Variants in ZFP2 observed in about 807,000 individuals in gnomAD.
ZFP2 encodes zinc finger protein ZFP2.
ZFP2 carries 33 observed loss-of-function variants against 36.1 expected under a neutral mutation model. That is an observed-to-expected ratio of 0.92 (90% CI 0.69 to 1.22). The LOEUF is 1.22. Ranked by LOEUF, ZFP2 falls within the 50% of genes most tolerant of loss-of-function variation. The pLI, the probability that ZFP2 is intolerant of heterozygous loss-of-function variation, is 0.00. For missense variants in ZFP2, 522 were observed against 551.4 expected (o/e 0.95, Z 0.53); for synonymous variants, 170 against 178.0 (o/e 0.96, Z 0.36).
chr5:178,931,407 G>C lies in ZFP2; in HGVS notation c.94G>C (p.Val32Leu). The C allele has an allele frequency of 6.2e-7, 1 of 1,614,138 alleles. No individual in the cohort carries two copies. The highest frequency in any genetic ancestry group is 8.5e-7 in the Non-Finnish European group (1 of 1,180,016). The part of the protein sequence containing the change: ...EGQQDSHLSQ[V>L]GVTHKETFTE... ...ACAACAGGATAGTCATCTGAGCCAA[G>C]TGGGAGTTACCCATAAGGAAACCTT... Residue 32 changes from valine (V) to leucine (L), a missense_variant, in exon 5 of 5, where the codon GTG becomes CTG. Val to Leu is a conservative substitution (Grantham distance 32). Coordinates refer to ENST00000361362, the MANE Select transcript of ZFP2 (RefSeq NM_030613.4).
intron 3 of ZFP2, chr5:178,913,844 ATTTCTTTTTT>A (rs1196311925): frequency 7.0e-6 from 1 of 142,650 alleles, no homozygotes. Context: ...AGTACCAATC[ATTTCTTTTTT>A]TTTCTTTTTT....
chr5:178,920,494 G>T (rs1043475665), intron 4 of ZFP2, among the ~76,000 whole-genome samples: 1 of 152,006 alleles, frequency 6.6e-6, no homozygotes, highest in Non-Finnish European at 1.5e-5. Flanking sequence ...AAAATTAGCC[G>T]GGCATGGTGG....
intron 3 of ZFP2, 72 bp downstream of exon 3, chr5:178,913,143 T>G: frequency 1.1e-6 from 1 of 881,236 alleles, no homozygotes; most frequent in Non-Finnish European, 1.4e-6. Flanking sequence ...GATTGTTGGG[T>G]CTCTGGAGAG....
chr5:178,896,801 C>G lies in ZFP2; in HGVS notation c.-450+827C>G, dbSNP rs11957167. 2.5e-3 allele frequency among the ~76,000 whole-genome samples: 376 copies of G among 152,276 alleles called. 1 individual carries two copies. The highest frequency in any genetic ancestry group is 8.7e-3 in the African/African-American group (361 of 41,560). On this transcript the variant is annotated intron_variant, in intron 1 of 4. Coordinates refer to ENST00000361362, the MANE Select transcript of ZFP2 (RefSeq NM_030613.4). ...CTCCATCTATCTTTTAAAACTGAGT[C>G]ATGAGATGCATTTGGTAAGGGGTTT... is the stretch of plus-strand genomic sequence containing the variant.
At position 178,912,598 on chromosome 5, in the gene ZFP2, G is replaced by A; in HGVS notation, c.-435G>A. On this transcript the variant is annotated 5_prime_UTR_variant, in exon 2 of 5. Coordinates refer to ENST00000361362, the MANE Select transcript of ZFP2 (RefSeq NM_030613.4). The stretch of plus-strand genomic sequence containing the variant: ...GGAATTTTTAGTTTCAGGAGTCAGT[G>A]ACCTTCAAGGATGTGTCCATAGATT... 2 of 1,003,770 alleles carry A rather than the reference G, an allele frequency of 2.0e-6. No homozygotes were observed. The highest frequency in any genetic ancestry group is 1.8e-4 in the East Asian group (2 of 11,254). 62.2% of individuals were successfully genotyped at this position (1,003,770 alleles called of 1,614,324 possible). A position where few individuals can be genotyped will look rare whatever the true frequency, so the allele number is the denominator to read the frequency against.
At position 178,931,518 on chromosome 5, in the gene ZFP2, A is replaced by G. The variant is rs762857406; in HGVS notation, c.205A>G (p.Met69Val). 4.3e-6 allele frequency: 7 copies of G among 1,614,188 alleles called. No individual in the cohort carries two copies. In the Admixed American group the frequency reaches 5.0e-5, roughly 12 times the overall value. ...CCTTGATACACAGCAAAGCATTCCT[A>G]TGGTAAAAAGGCCCCATAACTGTAA... ...SILDTQQSIP[M>V]VKRPHNCNSH... The change falls in exon 5 of 5, where the codon ATG becomes GTG. Residue 69 changes from methionine to valine, a missense_variant. Transcript: ENST00000361362.
intron 3 of ZFP2, among the ~76,000 whole-genome samples, chr5:178,915,247 T>TA (rs1445339588): frequency 6.6e-6 from 1 of 152,014 alleles, no homozygotes; most frequent in Non-Finnish European, 1.5e-5. Flanking sequence ...TATATTTTGA[T>TA]ACTGTGTTTT....
intron 4 of ZFP2, among the ~76,000 whole-genome samples, chr5:178,917,298 G>C (rs146255607): frequency 6.6e-6 from 1 of 152,154 alleles, no homozygotes; most frequent in African/African-American, 2.4e-5. Context: ...ATAGGAGCCT[G>C]CTGTCTGTGT....
At chr5:178,910,042 C>T in intron 1 of ZFP2, 1 of 1,463,654 alleles carries the variant, frequency 6.8e-7, no homozygotes, top group Non-Finnish European at 9.6e-7. Context: ...TGCCCTTCTT[C>T]AGAGTCCAGG....
At chr5:178,925,414 T>A (rs116171246) in intron 4 of ZFP2, among the ~76,000 whole-genome samples, 1 of 149,236 alleles carries the variant, frequency 6.7e-6, no homozygotes, top group Admixed American at 6.7e-5. Flanking sequence ...ACTAAGTGCA[T>A]GCACCTAGTG....
intron 4 of ZFP2, among the ~76,000 whole-genome samples, chr5:178,927,703 G>T (rs1196506961): frequency 6.9e-6 from 1 of 145,560 alleles, no homozygotes; most frequent in Non-Finnish European, 1.5e-5. Context: ...GTGTGTGTGT[G>T]TGTGTGTGTT....
intron 1 of ZFP2, among the ~76,000 whole-genome samples, chr5:178,899,591 G>A (rs1388092957): frequency 1.3e-5 from 2 of 152,132 alleles, no homozygotes; most frequent in African/African-American, 4.8e-5. Context: ...GTTTGGCAGG[G>A]TGGTGGCCAT....
At chr5:178,902,106 G>C (rs530676668) in intron 1 of ZFP2, among the ~76,000 whole-genome samples, 1 of 152,330 alleles carries the variant, frequency 6.6e-6, no homozygotes, top group South Asian at 2.1e-4. Context: ...CTGCACTCCA[G>C]CCTGGGAGAC....
At chr5:178,922,559 G>A in intron 4 of ZFP2, 1 of 1,477,510 alleles carries the variant, frequency 6.8e-7, no homozygotes, top group Non-Finnish European at 9.5e-7. Context: ...TTTTGTAGGA[G>A]CATGGCTTGG....
At chr5:178,897,619 T>C (rs1272432809) in intron 1 of ZFP2, among the ~76,000 whole-genome samples, 3 of 152,246 alleles carry the variant, frequency 2.0e-5, no homozygotes, top group African/African-American at 4.8e-5. Flanking sequence ...ATATGAAATG[T>C]CACTTATTTC....
chr5:178,922,050 C>T (rs1758571050), intron 4 of ZFP2: 1 of 805,460 alleles, frequency 1.2e-6, no homozygotes, highest in African/African-American at 1.7e-5. Context: ...CAGCTAGCCA[C>T]CCAAGAAAAC....
At chr5:178,927,830 C>G (rs974680228) in intron 4 of ZFP2, among the ~76,000 whole-genome samples, 1 of 151,710 alleles carries the variant, frequency 6.6e-6, no homozygotes, top group Non-Finnish European at 1.5e-5. Flanking sequence ...AGCCACCAAG[C>G]CTGGCTGAGT....
At chr5:178,909,058 G>C (rs112198047) in intron 1 of ZFP2, among the ~76,000 whole-genome samples, 11,153 of 148,800 alleles carry the variant, frequency 0.075, 537 homozygotes, top group Non-Finnish European at 0.11. Context: ...CCAGGGCTCA[G>C]GGCGTAAAAC....
At position 178,931,753 on chromosome 5, in the gene ZFP2, T is replaced by C; in HGVS notation, c.440T>C (p.Val147Ala). The C allele has an allele frequency of 2.5e-6, 4 of 1,614,118 alleles. No homozygotes were observed. The highest frequency in any genetic ancestry group is 3.4e-6 in the Non-Finnish European group (4 of 1,180,010). ...TTCATTGAACGATCCTCCCTTACTG[T>C]ACATCAAAGAATTCATACTGGAGAG... ...KHFIERSSLTVHQRIHTGEKP... is the reference protein window; with the variant it reads ...KHFIERSSLTAHQRIHTGEKP... Residue 147 changes from valine to alanine, a missense_variant, in exon 5 of 5, where the codon GTA becomes GCA. Physicochemically the swap from Val to Ala is moderately conservative, Grantham distance 64. Coordinates refer to ENST00000361362, the MANE Select transcript of ZFP2 (RefSeq NM_030613.4).
Sources: gnomAD v4.1 joint callset for allele counts (sites outside exome capture counted in the v4.1 genomes callset) on GRCh38, gnomAD v4.1.1 for gene constraint, MANE v1.5 for transcripts, NCBI Gene and HGNC (gene_info 2026-07-23, HGNC 2026-07-21) for gene names.